Variants in NRG1 observed in about 807,000 individuals in gnomAD.
NRG1 encodes pro-neuregulin-1, membrane-bound isoform.
A neutral mutation model predicts 63.8 loss-of-function variants in NRG1; 18 were observed. The ratio of observed to expected loss-of-function variants is 0.28; its 90% CI spans 0.19 to 0.42. The LOEUF is 0.42. Ranked by LOEUF, NRG1 falls within the 10% of genes least tolerant of loss-of-function variation. The probability of loss-of-function intolerance (pLI) is 1.00; values close to 1 mark genes in which losing one functional copy is unlikely to be tolerated. For missense variants in NRG1, 762 were observed against 814.7 expected (o/e 0.94, Z 0.79); for synonymous variants, 302 against 301.3 (o/e 1.00, Z -0.02).
chr8:32,030,986 T>C (rs1818178268), intron 1 of NRG1, among the ~76,000 whole-genome samples: 1 of 152,182 alleles, frequency 6.6e-6, no homozygotes, highest in Non-Finnish European at 1.5e-5. Context: ...TCAGTTATTT[T>C]GTGTTACTGC....
chr8:31,928,922 G>T (rs1834642815), intron 1 of NRG1, among the ~76,000 whole-genome samples: 1 of 152,100 alleles, frequency 6.6e-6, no homozygotes, highest in Non-Finnish European at 1.5e-5. Context: ...TGGGTACAAT[G>T]TACACTACTT....
intron 1 of NRG1, among the ~76,000 whole-genome samples, chr8:32,075,016 T>A (rs948070834): frequency 1.3e-5 from 2 of 152,214 alleles, no homozygotes; most frequent in Non-Finnish European, 2.9e-5. Flanking sequence ...TGCCTCAGTT[T>A]CCTCATATGT....
intron 1 of NRG1, among the ~76,000 whole-genome samples, chr8:32,219,464 T>C (rs1481526281): frequency 2.0e-5 from 3 of 152,242 alleles, no homozygotes; most frequent in Non-Finnish European, 2.9e-5. Context: ...CTGTCATTTC[T>C]ATGCTTTTCT....
At chr8:32,671,095 AGACCACTAT>A (rs1242553298) in intron 5 of NRG1, among the ~76,000 whole-genome samples, 10 of 152,016 alleles carry the variant, frequency 6.6e-5, no homozygotes, top group African/African-American at 2.4e-4. Context: ...CTTTTTCTCA[AGACCACTAT>A]ATTCATTTGG....
At chr8:32,224,450 A>ACTT (rs1846128814) in intron 1 of NRG1, among the ~76,000 whole-genome samples, 1 of 152,160 alleles carries the variant, frequency 6.6e-6, no homozygotes, top group Non-Finnish European at 1.5e-5. Flanking sequence ...ATCCTTCTTT[A>ACTT]CTTAGAACTA....
At chr8:32,475,973 A>G (rs1402182720) in intron 1 of NRG1, among the ~76,000 whole-genome samples, 1 of 152,176 alleles carries the variant, frequency 6.6e-6, no homozygotes, top group Non-Finnish European at 1.5e-5. Flanking sequence ...TTTCTGTTCT[A>G]AGAAATGAGA....
chr8:32,708,600 C>A (rs117758753), intron 5 of NRG1, among the ~76,000 whole-genome samples: 2 of 152,256 alleles, frequency 1.3e-5, no homozygotes, highest in Non-Finnish European at 2.9e-5. Context: ...TGGCAAACTC[C>A]TAATCTGTCT....
rs182956523 is a variant in NRG1 at position 32,627,370 on chromosome 8, G to C, written c.502+10485G>C. On this transcript the variant is annotated intron_variant, in intron 5 of 11. Coordinates refer to ENST00000356819, the Ensembl canonical transcript of NRG1. ...TAAGTTGAATCATTGTTGATGAGCA[G>C]ACACTTATCCTTGATACAGAGATGG... Among the ~76,000 whole-genome samples the C allele has an allele frequency of 1.0e-3, 154 of 152,326 alleles. 1 individual carries two copies. Among genetic ancestry groups the C allele is most frequent in the African/African-American group, 3.5e-3 (146 of 41,584 alleles).
At chr8:31,883,222 G>C (rs1199234490) in intron 1 of NRG1, among the ~76,000 whole-genome samples, 1 of 152,112 alleles carries the variant, frequency 6.6e-6, no homozygotes, top group Non-Finnish European at 1.5e-5. Context: ...CCAGCAAAAA[G>C]ATTATGACTT....
intron 1 of NRG1, among the ~76,000 whole-genome samples, chr8:32,512,541 T>G (rs1281710933): frequency 1.3e-5 from 2 of 152,224 alleles, no homozygotes; most frequent in Non-Finnish European, 2.9e-5. Context: ...TTCTTCTAAG[T>G]GCCATTATCT....
chr8:32,157,551 C>T (rs1161861420), intron 1 of NRG1, among the ~76,000 whole-genome samples: 1 of 151,406 alleles, frequency 6.6e-6, no homozygotes, highest in African/African-American at 2.4e-5. Context: ...CGCAGCTACT[C>T]GGTAGGCTGA....
chr8:32,554,562 T>A (rs17646781), intron 1 of NRG1, among the ~76,000 whole-genome samples: 30,437 of 152,204 alleles, frequency 0.2, 3,888 homozygotes, highest in Admixed American at 0.33. Flanking sequence ...TAAATTTTTT[T>A]AAAAAAGCCT....
At chr8:32,164,368 C>T (rs933388460) in intron 1 of NRG1, among the ~76,000 whole-genome samples, 6 of 152,182 alleles carry the variant, frequency 3.9e-5, no homozygotes, top group Non-Finnish European at 8.8e-5. Flanking sequence ...TTGCAGTCTT[C>T]ATGAAGCACA....
At chr8:32,514,745 G>T (rs1420536142) in intron 1 of NRG1, among the ~76,000 whole-genome samples, 1 of 151,998 alleles carries the variant, frequency 6.6e-6, no homozygotes, top group Non-Finnish European at 1.5e-5. Context: ...TTGATACACT[G>T]GAAAGCTAAC....
intron 1 of NRG1, among the ~76,000 whole-genome samples, chr8:31,712,429 C>T (rs930499421): frequency 7.2e-5 from 11 of 151,796 alleles, no homozygotes; most frequent in Non-Finnish European, 1.3e-4. Context: ...CCACCACATC[C>T]GGCTAATTTT....
At chr8:32,589,800 CAA>C (rs761409159) in intron 1 of NRG1, among the ~76,000 whole-genome samples, 10 of 152,156 alleles carry the variant, frequency 6.6e-5, no homozygotes, top group Non-Finnish European at 1.3e-4. Context: ...ATGATCAAAA[CAA>C]GAGGATTGCT....
intron 5 of NRG1, among the ~76,000 whole-genome samples, chr8:32,676,308 G>A (rs1807098134): frequency 6.6e-6 from 1 of 152,194 alleles, no homozygotes; most frequent in African/African-American, 2.4e-5. Flanking sequence ...ACCACAACAG[G>A]TGGCCATGAC....
At chr8:31,768,126 G>A (rs1481059251) in intron 1 of NRG1, among the ~76,000 whole-genome samples, 2 of 152,132 alleles carry the variant, frequency 1.3e-5, no homozygotes, top group Non-Finnish European at 2.9e-5. Context: ...AGTAGAATGG[G>A]AGAGAGAAGG....
At chr8:31,852,638 C>T (rs1166302814) in intron 1 of NRG1, among the ~76,000 whole-genome samples, 40 of 150,840 alleles carry the variant, frequency 2.7e-4, no homozygotes, top group African/African-American at 7.8e-4. Context: ...TCAATTTTGG[C>T]TTTTGTTGCC....
Sources: allele counts gnomAD v4.1 joint callset (sites outside exome capture counted in the v4.1 genomes callset), GRCh38; gene constraint gnomAD v4.1.1; transcripts MANE v1.5; gene names NCBI Gene and HGNC (gene_info 2026-07-23, HGNC 2026-07-21).